The following PTPN9 variants were observed in gnomAD, a reference collection of about 807,000 sequenced individuals.
PTPN9 encodes protein tyrosine phosphatase non-receptor type 9, also known as tyrosine-protein phosphatase non-receptor type 9.
In PTPN9, 26 loss-of-function variants were observed where a neutral mutation model predicts 69.8. The observed-to-expected ratio is 0.37, with a 90% CI of 0.27 to 0.52. The LOEUF is 0.52. Ranked by LOEUF, PTPN9 falls within the 20% of genes least tolerant of loss-of-function variation. The probability of loss-of-function intolerance (pLI) is 0.91; values close to 1 mark genes in which losing one functional copy is unlikely to be tolerated. For synonymous variants in PTPN9, 274 were observed against 272.5 expected (o/e 1.01, Z -0.05); for missense variants, 549 against 740.3 (o/e 0.74, Z 3.00).
chr15:75,524,777 C>CCTAA (rs2074920115), intron 2 of PTPN9, among the ~76,000 whole-genome samples: 1 of 72,940 alleles, frequency 1.4e-5, no homozygotes, highest in Non-Finnish European at 2.2e-5. Context: ...GACTCTGTCT[C>CCTAA]AAAAAAAAAA....
chr15:75,567,018 C>CTT (rs1328027375), intron 1 of PTPN9, among the ~76,000 whole-genome samples: 6 of 137,798 alleles, frequency 4.4e-5, no homozygotes, highest in African/African-American at 8.0e-5. Flanking sequence ...CATTTTTTTT[C>CTT]TTTTTTTTTT....
chr15:75,464,832 C>T lies in PTPN9; in HGVS notation c.*3937G>A, dbSNP rs2074530434. Reference sequence around the variant, plus strand: ...AGAACAAGTCCTACTCTGTCATTTACCTGCATACTGTCACATGAAGACTGA... The same window carrying T: ...AGAACAAGTCCTACTCTGTCATTTATCTGCATACTGTCACATGAAGACTGA... On this transcript the variant is annotated 3_prime_UTR_variant, in exon 13 of 13. Transcript: ENST00000618819. 1 of 152,192 alleles carries T rather than the reference C, an allele frequency of 6.6e-6. No homozygotes were observed. The highest frequency in any genetic ancestry group is 1.5e-5 in the Non-Finnish European group (1 of 68,052). The allele number at this position is 152,192 out of a possible 1,614,324, so 9.4% of individuals were successfully genotyped here. A position where few individuals can be genotyped will look rare whatever the true frequency, so the allele number is the denominator to read the frequency against.
rs2074543304 is a variant in PTPN9, at chr15:75,467,820, A to G, written c.*949T>C. ...AAGCAAAGAGAGAGTATGGAATCAC[A>G]GTGGAGGTCTGTTCCCCAAATTGGC... On this transcript the variant is annotated 3_prime_UTR_variant, in exon 13 of 13. Transcript: ENST00000618819. 6.6e-6 allele frequency: 1 copy of G among 152,648 alleles called. No individual in the cohort carries two copies. Among genetic ancestry groups the G allele is most frequent in the African/African-American group, 2.4e-5 (1 of 41,444 alleles). The allele number at this position is 152,648 out of a possible 1,614,324, so 9.5% of individuals were successfully genotyped here. A position where few individuals can be genotyped will look rare whatever the true frequency, so the allele number is the denominator to read the frequency against.
chr15:75,532,388 C>A (rs1470005577), intron 1 of PTPN9, among the ~76,000 whole-genome samples: 1 of 150,890 alleles, frequency 6.6e-6, no homozygotes, highest in Admixed American at 6.7e-5. Flanking sequence ...GGAGACAGTG[C>A]GAGACTCTGT....
At chr15:75,541,684 G>A (rs1008709902) in intron 1 of PTPN9, among the ~76,000 whole-genome samples, 6 of 151,938 alleles carry the variant, frequency 3.9e-5, no homozygotes, top group Non-Finnish European at 5.9e-5. Flanking sequence ...GGGATTACAG[G>A]CGTGAGCCAC....
rs775070368 is a variant in PTPN9 at position 75,473,709 on chromosome 15, C to T, written c.1188G>A (p.Leu396=). The T allele has an allele frequency of 5.9e-5, 94 of 1,581,500 alleles. No individual in the cohort carries two copies. The East Asian group carries it at 2.1e-3, about 35-fold the overall frequency. The change falls in exon 10 of 13, where the codon TTG becomes TTA. Residue 396 remains leucine, a synonymous_variant. Transcript: ENST00000618819. ...CTCACCGGGTGGTCATGACAATCAC[C>T]AAGACTTTTTGCTCCCATACCATGA... The part of the protein sequence containing the change: ...FWLMVWEQKV[L]VIVMTTRFEE...
intron 1 of PTPN9, among the ~76,000 whole-genome samples, chr15:75,554,190 A>G (rs978227143): frequency 6.7e-6 from 1 of 150,134 alleles, no homozygotes; most frequent in Non-Finnish European, 1.5e-5. Flanking sequence ...GGCTGAAAAA[A>G]GAAAAAAAAA....
At chr15:75,556,431 G>A (rs893092299) in intron 1 of PTPN9, among the ~76,000 whole-genome samples, 2 of 151,130 alleles carry the variant, frequency 1.3e-5, no homozygotes, top group African/African-American at 4.9e-5. Flanking sequence ...AGGCTGGAGC[G>A]TAGTGGCACA....
At chr15:75,480,198 A>G (rs1237268130) in intron 8 of PTPN9, among the ~76,000 whole-genome samples, 1 of 152,240 alleles carries the variant, frequency 6.6e-6, no homozygotes, top group East Asian at 1.9e-4. Context: ...TAAAACTCTC[A>G]GAATAAAATA....
In PTPN9 at chr15:75,470,776, G is replaced by C. The variant is rs774862716; in HGVS notation, c.1263C>G (p.Asp421Glu). ...TGAGGAAGCCAAATCGGATCCGAGA[G>C]TCTTTTTCTAAAGGCCAGTACTGGC... is the stretch of plus-strand genomic sequence containing the variant. ...KCGQYWPLEK[D>E]SRIRFGFLTV... is the part of the protein sequence containing the mutation. Residue 421 changes from aspartate (D) to glutamate (E), a missense_variant, in exon 11 of 13, where the codon GAC (aspartate) becomes GAG (glutamate). Coordinates refer to ENST00000618819, the MANE Select transcript of PTPN9 (RefSeq NM_002833.4). The C allele has an allele frequency of 1.9e-6, 3 of 1,614,106 alleles. No individual in the cohort carries two copies. Among genetic ancestry groups the C allele is most frequent in the Non-Finnish European group, 2.5e-6 (3 of 1,180,044 alleles).
intron 8 of PTPN9, among the ~76,000 whole-genome samples, chr15:75,482,061 G>C (rs2074639749): frequency 6.7e-6 from 1 of 150,026 alleles, no homozygotes; most frequent in South Asian, 2.2e-4. Flanking sequence ...TGGTTGCCGT[G>C]TCTGTGTAGA....
intron 1 of PTPN9, among the ~76,000 whole-genome samples, chr15:75,528,236 T>TG (rs1448637036): frequency 2.0e-5 from 3 of 152,060 alleles, no homozygotes; most frequent in African/African-American, 7.2e-5. Flanking sequence ...GCTGGCAAGA[T>TG]GCCTGCTTCC....
intron 10 of PTPN9, among the ~76,000 whole-genome samples, chr15:75,471,331 A>G (rs1413321703): frequency 6.6e-6 from 1 of 152,218 alleles, no homozygotes; most frequent in Admixed American, 6.5e-5. Context: ...GATAGGTCAG[A>G]GAGAACTCTC....
At chr15:75,530,458 AAT>A (rs1209453305) in intron 1 of PTPN9, among the ~76,000 whole-genome samples, 1 of 103,554 alleles carries the variant, frequency 9.7e-6, no homozygotes, top group Non-Finnish European at 1.8e-5. Flanking sequence ...ATTATAATAA[AAT>A]ATATATTATA....
chr15:75,509,002 T>G lies in PTPN9; in HGVS notation c.554A>C (p.Lys185Thr), dbSNP rs762260127. Residue 185 changes from lysine to threonine, a missense_variant, in exon 6 of 13, where the codon AAG becomes ACG. Lys to Thr is a moderately conservative substitution (Grantham distance 78, BLOSUM62 -1). This residue lies in a region of PTPN9 where 457 missense variants were observed against 661.9 expected (regional missense o/e 0.69). Coordinates refer to ENST00000618819, the MANE Select transcript of PTPN9 (RefSeq NM_002833.4). ...LKGAFPARLKKVLIVGAPIWF... is the reference protein window; with the variant it reads ...LKGAFPARLKTVLIVGAPIWF... Reference sequence around the variant, plus strand: ...TATGGGTGCCCCCACAATCAGCACCTTCTTCAAACGAGCTGGAAATGCTCC... The same window carrying G: ...TATGGGTGCCCCCACAATCAGCACCGTCTTCAAACGAGCTGGAAATGCTCC... The G allele has an allele frequency of 6.2e-7, 1 of 1,614,092 alleles. No individual in the cohort carries two copies. Among genetic ancestry groups the G allele is most frequent in the Non-Finnish European group, 8.5e-7 (1 of 1,179,974 alleles).
intron 8 of PTPN9, among the ~76,000 whole-genome samples, chr15:75,485,517 C>T (rs1186154516): frequency 2.0e-5 from 3 of 150,510 alleles, no homozygotes; most frequent in East Asian, 4.0e-4. Flanking sequence ...TACAGGCGCC[C>T]GCCACCGCGC....
intron 1 of PTPN9, among the ~76,000 whole-genome samples, chr15:75,546,515 T>A (rs749040386): frequency 3.3e-5 from 5 of 151,938 alleles, no homozygotes; most frequent in Non-Finnish European, 7.4e-5. Flanking sequence ...TGGTGGCACA[T>A]GCCTGTACTC....
At chr15:75,494,131 CATATATAT>C (rs71140166) in intron 7 of PTPN9, among the ~76,000 whole-genome samples, 20 of 143,508 alleles carry the variant, frequency 1.4e-4, no homozygotes, top group East Asian at 2.0e-4. Context: ...TTATCAATCC[CATATATAT>C]ATATATATAT....
intron 7 of PTPN9, among the ~76,000 whole-genome samples, chr15:75,502,791 G>A (rs2074781055): frequency 6.6e-6 from 1 of 152,154 alleles, no homozygotes; most frequent in African/African-American, 2.4e-5. Flanking sequence ...ACTGAGTACT[G>A]GAATAGAGAG....
Sources: allele counts gnomAD v4.1 joint callset (sites outside exome capture counted in the v4.1 genomes callset), GRCh38; gene constraint gnomAD v4.1.1; regional missense constraint gnomAD v4.1.1; transcripts MANE v1.5; gene names NCBI Gene and HGNC (gene_info 2026-07-23, HGNC 2026-07-21).